SPTA1: variants seen among roughly 807,000 people sequenced by gnomAD.
SPTA1 encodes the protein spectrin alpha, erythrocytic 1.
A neutral mutation model predicts 324.7 loss-of-function variants in SPTA1; 177 were observed. That is an observed-to-expected ratio of 0.55 (90% CI 0.48 to 0.62). SPTA1 has a LOEUF of 0.62. Ranked by LOEUF, SPTA1 falls within the 20% of genes least tolerant of loss-of-function variation. The probability of loss-of-function intolerance (pLI) is 0.00; values close to 1 mark genes in which losing one functional copy is unlikely to be tolerated. For missense variants in SPTA1, 3,162 were observed against 2,883.6 expected (o/e 1.10, Z -2.21); for synonymous variants, 1,195 against 1,041.3 (o/e 1.15, Z -2.84).
intron 39 of SPTA1, 74 bp from the exon 40 acceptor site, chr1:158,627,797 G>A (rs570466528): frequency 3.1e-5 from 44 of 1,415,672 alleles, no homozygotes; most frequent in South Asian, 4.6e-5. Context: ...TCAGACTCAC[G>A]GGTCTATTAT....
intron 42 of SPTA1, among the ~76,000 whole-genome samples, chr1:158,623,756 G>A (rs1243809351): frequency 6.6e-6 from 1 of 152,190 alleles, no homozygotes; most frequent in Non-Finnish European, 1.5e-5. Flanking sequence ...TCTTGGGTAT[G>A]TCTTTATTAG....
At chr1:158,620,548 C>A in intron 43 of SPTA1, 82 bp from the exon 44 acceptor site, 6 of 1,554,478 alleles carry the variant, frequency 3.9e-6, no homozygotes, top group Non-Finnish European at 5.3e-6. Context: ...AAAAATAATG[C>A]CTGTCTTTAA....
At chr1:158,615,067 T>C (rs11806562) in intron 48 of SPTA1, 149 bp downstream of exon 48, 6 of 810,626 alleles carry the variant, frequency 7.4e-6, no homozygotes, top group East Asian at 2.4e-5. Context: ...TAAAGAGAAA[T>C]AGTCATTCCG....
chr1:158,640,365 G>A (rs1651455869), intron 33 of SPTA1, among the ~76,000 whole-genome samples: 1 of 152,084 alleles, frequency 6.6e-6, no homozygotes, highest in Admixed American at 6.6e-5. Context: ...TAAGGTCTGG[G>A]CATCACTCCT....
rs141207829 is a variant in SPTA1 at position 158,684,248 on chromosome 1, T to C, written c.265-752A>G. Among the ~76,000 whole-genome samples the C allele has an allele frequency of 3.6e-3, 543 of 152,036 alleles. 3 individuals carry two copies. Among genetic ancestry groups the C allele is most frequent in the Admixed American group, 6.6e-3 (101 of 15,250 alleles). On this transcript the variant is annotated intron_variant, in intron 2 of 51. Transcript: ENST00000643759. ...GAACTTGAGACCCATGAACAACATTTTAGGAAAAACTTAAGAGCCATGAAT... is the reference window on the plus strand; with the variant it reads ...GAACTTGAGACCCATGAACAACATTCTAGGAAAAACTTAAGAGCCATGAAT...
At chr1:158,651,666 C>T (rs1652446632) in intron 23 of SPTA1, among the ~76,000 whole-genome samples, 198 bp from the exon 24 acceptor site, 1 of 152,088 alleles carries the variant, frequency 6.6e-6, no homozygotes, top group Non-Finnish European at 1.5e-5. Flanking sequence ...CAAAACTTGT[C>T]AAGATAACTA....
intron 15 of SPTA1, 91 bp from the exon 16 acceptor site, chr1:158,666,588 T>C: frequency 7.8e-6 from 9 of 1,153,946 alleles, no homozygotes; most frequent in Admixed American, 1.9e-5. Flanking sequence ...AGGATCAATA[T>C]AGTATTTTAA....
At chr1:158,623,595 CT>C (rs1351194307) in intron 42 of SPTA1, among the ~76,000 whole-genome samples, 2 of 152,100 alleles carry the variant, frequency 1.3e-5, no homozygotes, top group Admixed American at 6.5e-5. Flanking sequence ...TTATAAGGGG[CT>C]TTTCCCCCTT....
rs34729637 is a variant in SPTA1 at position 158,612,557 on chromosome 1, G to GAAAA, written c.7134+256_7134+259dup. On this transcript the variant is annotated intron_variant, in intron 51 of 51. Coordinates refer to ENST00000643759, the MANE Select transcript of SPTA1 (RefSeq NM_003126.4). ...AATAAATGCTCTTTGAATTAATGAG[G>GAAAA]AAAAAAAAAAGAAATAGCCTTAAAA... 1.0e-2 allele frequency: 4,222 copies of GAAAA among 422,244 alleles called. 3 individuals carry two copies. The highest frequency in any genetic ancestry group is 0.013 in the Middle Eastern group (18 of 1,420). The allele number at this position is 422,244 out of a possible 1,614,324, so 26.2% of individuals were successfully genotyped here.
chr1:158,656,462 A>G (rs1205956634), intron 20 of SPTA1, 102 bp downstream of exon 20: 1 of 1,058,348 alleles, frequency 9.4e-7, no homozygotes, highest in East Asian at 2.4e-5. Flanking sequence ...TTTCTTTGCC[A>G]TTGTTTTTGG....
At chr1:158,674,759 T>A (rs1289782528) in intron 8 of SPTA1, 84 bp from the exon 9 acceptor site, 2 of 1,567,790 alleles carry the variant, frequency 1.3e-6, no homozygotes, top group Non-Finnish European at 1.7e-6. Flanking sequence ...TGGGGTGAGG[T>A]AAGATGTGTG....
chr1:158,616,790 C>T (rs1454752545), intron 47 of SPTA1, among the ~76,000 whole-genome samples: 1 of 152,112 alleles, frequency 6.6e-6, no homozygotes, highest in African/African-American at 2.4e-5. Context: ...AATGGGATTG[C>T]TGAATCATAT....
chr1:158,649,384 A>T (rs1652249605), intron 25 of SPTA1, among the ~76,000 whole-genome samples: 1 of 152,140 alleles, frequency 6.6e-6, no homozygotes, highest in Admixed American at 6.5e-5. Flanking sequence ...GGCTCAAGTG[A>T]TCCTCCCAGC....
chr1:158,615,485 GC>G, intron 47 of SPTA1, 82 bp from the exon 48 acceptor site: 1 of 1,393,664 alleles, frequency 7.2e-7, no homozygotes. Flanking sequence ...GAGATAACAG[GC>G]TGATTTTATT....
At position 158,615,225 on chromosome 1, in the gene SPTA1, A is replaced by T; in HGVS notation, c.6779T>A (p.Ile2260Asn). ...CACACGCCCTCAATACTTGGCCTGG[A>T]TCTGTTGCTCCAGGTTGTGTTGCAT... ...LRMQHNLEQQ[I>N]QAKDIKGVSE... The change falls in exon 48 of 52, where the codon ATC (isoleucine) becomes AAC (asparagine). Residue 2260 changes from isoleucine to asparagine, a missense_variant. Physicochemically the swap from Ile to Asn is moderately radical, Grantham distance 149. Transcript: ENST00000643759. 6.2e-7 allele frequency: 1 copy of T among 1,613,196 alleles called. No homozygotes were observed.
Position 158,670,775 on chromosome 1 carries a change from C to T in SPTA1, c.1599+568G>A, listed in dbSNP as rs1231968184. Among the ~76,000 whole-genome samples the T allele has an allele frequency of 2.0e-5, 3 of 151,518 alleles. 1 individual carries two copies. The South Asian group carries it at 6.2e-4, about 31-fold the overall frequency. ...GATGAAAAACAGAGATAAAGATATA[C>T]TATAAAGGAAAAATATGCTGTAAAG... On this transcript the variant is annotated intron_variant, in intron 12 of 51. Coordinates refer to ENST00000643759, the MANE Select transcript of SPTA1 (RefSeq NM_003126.4).
intron 37 of SPTA1, 76 bp downstream of exon 37, chr1:158,636,565 C>T (rs1225328138): frequency 1.3e-6 from 2 of 1,541,874 alleles, no homozygotes; most frequent in Non-Finnish European, 1.8e-6. Flanking sequence ...TTTGTAGCAC[C>T]CTCTTATTTA....
chr1:158,620,346 G>A lies in SPTA1; in HGVS notation c.6241C>T (p.Leu2081=). 1 of 1,614,090 alleles carries A rather than the reference G, an allele frequency of 6.2e-7. No individual in the cohort carries two copies. ...AAGAAGTCCTCATGGTCTTTCTGCA[G>A]CTGCCGAATTTCATTCAGGGAGACA... ...HCVSLNEIRQ[L]QKDHEDFLAS... is the part of the protein sequence containing the mutation. The change falls in exon 44 of 52, where the codon CTG becomes TTG. Residue 2081 remains leucine (L), a synonymous_variant. Transcript: ENST00000643759.
intron 20 of SPTA1, 54 bp from the exon 21 acceptor site, chr1:158,654,802 A>C (rs987977608): frequency 6.2e-7 from 1 of 1,607,322 alleles, no homozygotes; most frequent in Admixed American, 1.7e-5. Flanking sequence ...ATCTCCCTGT[A>C]CAGCTTACCA....
Sources: allele counts gnomAD v4.1 joint callset (sites outside exome capture counted in the v4.1 genomes callset), GRCh38; gene constraint gnomAD v4.1.1; transcripts MANE v1.5; gene names NCBI Gene and HGNC (gene_info 2026-07-23, HGNC 2026-07-21).